TMIGD3: variants seen among roughly 807,000 people sequenced by gnomAD.
The protein encoded by TMIGD3 is transmembrane and immunoglobulin domain containing 3, also known as AD026 protein (AD026).
A neutral mutation model predicts 28.1 loss-of-function variants in TMIGD3; 21 were observed. That is an observed-to-expected ratio of 0.75 (90% CI 0.53 to 1.08). The LOEUF (loss-of-function observed/expected upper bound fraction) is 1.08, where lower values mean the gene tolerates loss of function less well. Ranked by LOEUF, TMIGD3 falls within the 50% of genes least tolerant of loss-of-function variation. The pLI is 0.00. For missense variants in TMIGD3, 416 were observed against 435.6 expected, an observed-to-expected ratio of 0.96 and a Z score of 0.40; for synonymous variants, 151 against 162.1, an observed-to-expected ratio of 0.93 and a Z score of 0.52.
chr1:111,559,671 T>A (rs565695611), intron 1 of TMIGD3, among the ~76,000 whole-genome samples: 1 of 152,308 alleles, frequency 6.6e-6, no homozygotes, highest in Admixed American at 6.5e-5. Flanking sequence ...TTATTATTAT[T>A]AATATTTAAA....
chr1:111,500,201 G>T (rs776955833), intron 1 of TMIGD3: 2 of 1,614,142 alleles, frequency 1.2e-6, no homozygotes, highest in South Asian at 1.1e-5. Flanking sequence ...AACAAGAAAA[G>T]AACCAGAAAC....
At chr1:111,561,882 G>A (rs370704256) in intron 1 of TMIGD3, among the ~76,000 whole-genome samples, 56 of 151,992 alleles carry the variant, frequency 3.7e-4, no homozygotes, top group African/African-American at 1.2e-3. Flanking sequence ...TTTTTGGCCC[G>A]GACTTTTTCA....
At chr1:111,546,936 T>C (rs1164453752) in intron 1 of TMIGD3, among the ~76,000 whole-genome samples, 2 of 152,178 alleles carry the variant, frequency 1.3e-5, no homozygotes, top group African/African-American at 4.8e-5. Flanking sequence ...AACATTGTTA[T>C]TTTCTGTTTT....
chr1:111,509,635 A>G (rs748180415), intron 1 of TMIGD3, among the ~76,000 whole-genome samples: 12 of 152,202 alleles, frequency 7.9e-5, no homozygotes, highest in Non-Finnish European at 1.5e-4. Context: ...AAAACTTCTT[A>G]CGGAATTGCA....
intron 1 of TMIGD3, among the ~76,000 whole-genome samples, chr1:111,555,362 TAAAAAAAAAAAAA>T (rs397981230): frequency 4.2e-5 from 2 of 47,650 alleles, no homozygotes; most frequent in Admixed American, 3.2e-4. Flanking sequence ...TGAGACTCTG[TAAAAAAAAAAAAA>T]AAAAAAAAAA....
chr1:111,529,000 T>C (rs1421540016), intron 1 of TMIGD3, among the ~76,000 whole-genome samples: 3 of 152,110 alleles, frequency 2.0e-5, no homozygotes, highest in African/African-American at 7.2e-5. Flanking sequence ...GTACCTTTTT[T>C]TCTTGTCTTA....
chr1:111,511,225 G>T (rs916857952), intron 1 of TMIGD3, among the ~76,000 whole-genome samples: 1 of 152,170 alleles, frequency 6.6e-6, no homozygotes, highest in Non-Finnish European at 1.5e-5. Flanking sequence ...TCTCCCGCTA[G>T]CTGGTAAACT....
chr1:111,515,981 T>A (rs928054289), intron 1 of TMIGD3, among the ~76,000 whole-genome samples: 1 of 152,128 alleles, frequency 6.6e-6, no homozygotes, highest in African/African-American at 2.4e-5. Context: ...AACCTGCAGG[T>A]GGGACCGCAT....
intron 1 of TMIGD3, among the ~76,000 whole-genome samples, chr1:111,546,261 G>A (rs1025352641): frequency 3.2e-4 from 48 of 152,074 alleles, no homozygotes; most frequent in Admixed American, 1.0e-3. Flanking sequence ...TTTGTTTGGT[G>A]TTTTGTTTTA....
At chr1:111,515,686 G>C (rs553576226) in intron 1 of TMIGD3, among the ~76,000 whole-genome samples, 162 of 152,348 alleles carry the variant, frequency 1.1e-3, no homozygotes, top group South Asian at 9.9e-3. Flanking sequence ...TGGCGCCGGG[G>C]ACTGTGGCCC....
chr1:111,489,132 G>A, intron 2 of TMIGD3, 108 bp from the exon 3 acceptor site: 1 of 1,153,934 alleles, frequency 8.7e-7, no homozygotes. Flanking sequence ...AAGAATCGGA[G>A]GCTGATTTTT....
upstream of TMIGD3, among the ~76,000 whole-genome samples, chr1:111,507,923 G>C (rs1006495701): frequency 6.6e-6 from 1 of 152,236 alleles, no homozygotes; most frequent in African/African-American, 2.4e-5. Flanking sequence ...AAGCCCCGGG[G>C]GTCAGGCTGG....
intron 1 of TMIGD3, among the ~76,000 whole-genome samples, chr1:111,526,776 T>C (rs1656278347): frequency 6.6e-6 from 1 of 152,204 alleles, no homozygotes; most frequent in South Asian, 2.1e-4. Flanking sequence ...ACTACCGTTA[T>C]AGAATCATAC....
intron 3 of TMIGD3, among the ~76,000 whole-genome samples, chr1:111,487,040 T>G (rs1654411457): frequency 6.6e-6 from 1 of 152,170 alleles, no homozygotes; most frequent in African/African-American, 2.4e-5. Flanking sequence ...AGAGGGCCAA[T>G]CCTATCCTTA....
At chr1:111,544,225 T>C (rs1438162311) in intron 1 of TMIGD3, among the ~76,000 whole-genome samples, 1 of 152,208 alleles carries the variant, frequency 6.6e-6, no homozygotes, top group Admixed American at 6.5e-5. Flanking sequence ...GTTTAAAAAG[T>C]TGAGATCAAA....
chr1:111,507,031 GTGTGTGTGTATATATATATA>G (rs1441605314), upstream of TMIGD3, among the ~76,000 whole-genome samples: 29 of 35,692 alleles, frequency 8.1e-4, no homozygotes, highest in South Asian at 4.9e-3. Flanking sequence ...GTGTGTGTGT[GTGTGTGTGTATATATATATA>G]TATATATATG....
upstream of TMIGD3, chr1:111,503,783 G>T (rs1236643583): frequency 4.0e-6 from 4 of 1,011,758 alleles, no homozygotes; most frequent in Non-Finnish European, 4.7e-6. Context: ...GAAGTACAGA[G>T]CTCAGAACTC....
rs1198027839 is a variant in TMIGD3, at chr1:111,486,609, A to G, written c.849T>C (p.Val283=). The change falls in exon 4 of 6, where the codon GTT becomes GTC. Residue 283 remains valine, a synonymous_variant. Transcript: ENST00000369716. ...ACCTGGAGCGGTCAGCCTTGCGGAC[A>G]ACTTTGGGAGCCTTGCAGCTTCTGG... The part of the protein sequence containing the change: ...NKTRSCKAPK[V]VRKADRSRTS... 6.2e-7 allele frequency: 1 copy of G among 1,613,186 alleles called. No individual in the cohort carries two copies. The highest frequency in any genetic ancestry group is 8.5e-7 in the Non-Finnish European group (1 of 1,179,766).
At chr1:111,487,066 C>T (rs2800908) in intron 3 of TMIGD3, among the ~76,000 whole-genome samples, 4 of 152,252 alleles carry the variant, frequency 2.6e-5, no homozygotes, top group African/African-American at 9.6e-5. Context: ...CTGCTCATTT[C>T]GTGATGTAAT....
Sources: allele counts gnomAD v4.1 joint callset (sites outside exome capture counted in the v4.1 genomes callset), GRCh38; gene constraint gnomAD v4.1.1; transcripts MANE v1.5; gene names NCBI Gene and HGNC (gene_info 2026-07-23, HGNC 2026-07-21).